The following DLG2 variants were observed in gnomAD, a reference collection of about 807,000 sequenced individuals.
DLG2 encodes the protein disks large homolog 2.
Under a neutral mutation model 132.5 loss-of-function variants are expected in DLG2, and 45 were observed. The observed-to-expected ratio is 0.34, with a 90% CI of 0.27 to 0.44. The LOEUF is 0.44. Among genes scored for constraint, DLG2 ranks in the 20% least tolerant of loss-of-function variants. The pLI is 1.00. For synonymous variants in DLG2, 424 were observed against 419.6 expected, an observed-to-expected ratio of 1.01 and a Z score of -0.13; for missense variants, 1,045 against 1,196.9, an observed-to-expected ratio of 0.87 and a Z score of 1.87.
rs919414113 is a variant in DLG2, at chr11:84,634,425, T to C, written c.358-99694A>G. Among the ~76,000 whole-genome samples the C allele has an allele frequency of 5.3e-5, 8 of 152,222 alleles. No individual in the cohort carries two copies. In the East Asian group the frequency reaches 1.5e-3, roughly 29 times the overall value. On this transcript the variant is annotated intron_variant, in intron 6 of 27. Transcript: ENST00000376104. ...GTGGACTGTAACTTAACTGGATGTG[T>C]AAACAGACTACAACCTACTCTTTAT...
At chr11:84,490,908 T>TGTGTGTGC (rs916003231) in intron 7 of DLG2, among the ~76,000 whole-genome samples, 1 of 151,802 alleles carries the variant, frequency 6.6e-6, no homozygotes, top group African/African-American at 2.4e-5. Context: ...TGTGTGTGTG[T>TGTGTGTGC]GCATATGTGT....
chr11:84,923,162 C>T, intron 6 of DLG2: 1 of 1,612,906 alleles, frequency 6.2e-7, no homozygotes, highest in South Asian at 1.1e-5. Context: ...AGCTTCTCAG[C>T]ACAGCGCAAG....
intron 19 of DLG2, among the ~76,000 whole-genome samples, chr11:83,542,958 A>ATTTGT (rs1451366636): frequency 2.0e-5 from 3 of 152,096 alleles, no homozygotes; most frequent in Non-Finnish European, 4.4e-5. Context: ...TTTCTAAAAA[A>ATTTGT]TTTGTTTTAT....
In DLG2 at chr11:84,691,982, C is replaced by A. The variant is rs1404392015; in HGVS notation, c.358-157251G>T. Among the ~76,000 whole-genome samples, 3 of 151,770 alleles carry A rather than the reference C, an allele frequency of 2.0e-5. No individual in the cohort carries two copies. In the East Asian group the frequency reaches 5.8e-4, roughly 29 times the overall value. On this transcript the variant is annotated intron_variant, in intron 6 of 27. Transcript: ENST00000376104. Reference sequence around the variant, plus strand: ...TGCCATTCTCCACATTTCTGCCTTTCAGCTCCTTTTGTTAGCTTCCTCTCT... The same window carrying A: ...TGCCATTCTCCACATTTCTGCCTTTAAGCTCCTTTTGTTAGCTTCCTCTCT...
At chr11:83,636,765 G>A (rs140976129) in intron 18 of DLG2, among the ~76,000 whole-genome samples, 12 of 152,162 alleles carry the variant, frequency 7.9e-5, no homozygotes, top group African/African-American at 2.9e-4. Flanking sequence ...TACCCAAAAT[G>A]TTTTCTGCCA....
At chr11:83,690,113 C>T (rs1012082146) in intron 18 of DLG2, among the ~76,000 whole-genome samples, 1 of 148,846 alleles carries the variant, frequency 6.7e-6, no homozygotes, top group African/African-American at 2.5e-5. Flanking sequence ...GTGTGGCACA[C>T]TATAAAACAT....
At chr11:84,689,831 A>G (rs995456374) in intron 6 of DLG2, among the ~76,000 whole-genome samples, 2 of 151,996 alleles carry the variant, frequency 1.3e-5, no homozygotes, top group African/African-American at 4.8e-5. Flanking sequence ...ACAAACATGC[A>G]TGCAGACCAT....
intron 6 of DLG2, among the ~76,000 whole-genome samples, chr11:84,910,921 T>C (rs2091996901): frequency 6.6e-6 from 1 of 152,068 alleles, no homozygotes; most frequent in Non-Finnish European, 1.5e-5. Context: ...TACAAAGTAA[T>C]AAATGTATAG....
chr11:83,672,335 G>T (rs761158581), intron 18 of DLG2, among the ~76,000 whole-genome samples: 8 of 151,816 alleles, frequency 5.3e-5, no homozygotes, highest in Non-Finnish European at 1.0e-4. Flanking sequence ...CAGGCACCAC[G>T]CCCGGCTAAT....
chr11:83,603,517 G>A (rs1336416463), intron 19 of DLG2, among the ~76,000 whole-genome samples: 1 of 152,072 alleles, frequency 6.6e-6, no homozygotes, highest in Non-Finnish European at 1.5e-5. Context: ...TAAGGTACAT[G>A]CTTAAAGAAA....
At chr11:84,402,429 T>C (rs554587454) in intron 7 of DLG2, among the ~76,000 whole-genome samples, 6 of 152,272 alleles carry the variant, frequency 3.9e-5, no homozygotes, top group Non-Finnish European at 8.8e-5. Flanking sequence ...CAACATAGAT[T>C]ATATTGCTGA....
chr11:84,883,990 C>G (rs77806650), intron 6 of DLG2, among the ~76,000 whole-genome samples: 3 of 152,082 alleles, frequency 2.0e-5, no homozygotes, highest in Admixed American at 6.6e-5. Flanking sequence ...TATCCTGGTA[C>G]CTTTAAGTCC....
At chr11:84,468,669 T>C (rs934734294) in intron 7 of DLG2, among the ~76,000 whole-genome samples, 8 of 151,546 alleles carry the variant, frequency 5.3e-5, no homozygotes, top group African/African-American at 1.5e-4. Flanking sequence ...CTTTAGATCT[T>C]AGCTCTTTCT....
intron 6 of DLG2, among the ~76,000 whole-genome samples, chr11:84,977,806 T>G (rs2055128727): frequency 6.6e-6 from 1 of 152,150 alleles, no homozygotes; most frequent in Admixed American, 6.5e-5. Flanking sequence ...ATAAATATTT[T>G]GTACCTGGGG....
rs1198920990 is a variant in DLG2, at chr11:85,244,320, GT to G, written c.186+40899del. Among the ~76,000 whole-genome samples the G allele has an allele frequency of 2.0e-5, 3 of 152,058 alleles. No individual in the cohort carries two copies. In the East Asian group the frequency reaches 5.8e-4, roughly 29 times the overall value. Reference sequence around the variant, plus strand: ...CAGTCATCATTGGCTAGTGGTGAAAGTTTATGCGAGGAAAGGAAAAGCTAAG... The same window carrying G: ...CAGTCATCATTGGCTAGTGGTGAAAGTTATGCGAGGAAAGGAAAAGCTAAG... On this transcript the variant is annotated intron_variant, in intron 4 of 27. Coordinates refer to ENST00000376104, the MANE Select transcript of DLG2 (RefSeq NM_001142699.3).
chr11:84,805,527 A>G (rs2075894958), intron 6 of DLG2, among the ~76,000 whole-genome samples: 1 of 152,154 alleles, frequency 6.6e-6, no homozygotes, highest in South Asian at 2.1e-4. Flanking sequence ...GTTTCTTATG[A>G]ATGACTTAGC....
chr11:85,137,366 A>G (rs2076199102), intron 5 of DLG2, among the ~76,000 whole-genome samples: 1 of 152,142 alleles, frequency 6.6e-6, no homozygotes, highest in African/African-American at 2.4e-5. Flanking sequence ...TAGTTAAGGA[A>G]ACTGAAGTTG....
At chr11:84,471,307 C>T (rs2099107763) in intron 7 of DLG2, among the ~76,000 whole-genome samples, 1 of 151,716 alleles carries the variant, frequency 6.6e-6, no homozygotes, top group Non-Finnish European at 1.5e-5. Context: ...CCTTCCCTTT[C>T]CTCCTTATTT....
rs186280243 is a variant in DLG2, at chr11:85,466,693, T to C, written c.40+131964A>G. On this transcript the variant is annotated intron_variant, in intron 3 of 27. Coordinates refer to ENST00000376104, the MANE Select transcript of DLG2 (RefSeq NM_001142699.3). ...TATCTCTGTTTTGGTACCAGTAGCA[T>C]GCTGTTTTGGTTACTATAGCCTTGT... Among the ~76,000 whole-genome samples the C allele has an allele frequency of 4.1e-3, 629 of 152,362 alleles. 5 individuals are homozygous for C. The highest frequency in any genetic ancestry group is 0.014 in the African/African-American group (573 of 41,590).
Sources: gnomAD v4.1 joint callset for allele counts (sites outside exome capture counted in the v4.1 genomes callset) on GRCh38, gnomAD v4.1.1 for gene constraint, MANE v1.5 for transcripts, NCBI Gene and HGNC (gene_info 2026-07-23, HGNC 2026-07-21) for gene names.